The following SLC13A3 variants were observed in gnomAD, a reference collection of about 807,000 sequenced individuals.
SLC13A3 encodes the protein Na(+)/dicarboxylate cotransporter 3.
Under a neutral mutation model 59.0 loss-of-function variants are expected in SLC13A3, and 40 were observed. The observed-to-expected ratio is 0.68, with a 90% CI of 0.53 to 0.88. The LOEUF is 0.88. Ranked by LOEUF, SLC13A3 falls within the 40% of genes least tolerant of loss-of-function variation. The pLI is 0.00. For missense variants in SLC13A3, 699 were observed against 783.2 expected (o/e 0.89, Z 1.28); for synonymous variants, 317 against 330.3 (o/e 0.96, Z 0.44).
rs561818778 is a variant in SLC13A3, at chr20:46,571,523, C to T, written c.1332+4050G>A. 5.8e-4 allele frequency among the ~76,000 whole-genome samples: 89 copies of T among 152,280 alleles called. 2 individuals carry two copies. The South Asian group carries it at 0.018, about 31-fold the overall frequency. Reference sequence around the variant, plus strand: ...TTCCATACATTATGTTAGCAATTCTCAAAGCAGCCCATCTTGTAGGTCATA... The same window carrying T: ...TTCCATACATTATGTTAGCAATTCTTAAAGCAGCCCATCTTGTAGGTCATA... On this transcript the variant is annotated intron_variant, in intron 10 of 12. Coordinates refer to ENST00000279027, the MANE Select transcript of SLC13A3 (RefSeq NM_022829.6).
At chr20:46,666,851 T>C (rs1156692939) in intron 1 of SLC13A3, among the ~76,000 whole-genome samples, 1 of 152,144 alleles carries the variant, frequency 6.6e-6, no homozygotes, top group East Asian at 1.9e-4. Flanking sequence ...TAGAAAGCTC[T>C]CTGTTTAACT....
intron 9 of SLC13A3, among the ~76,000 whole-genome samples, chr20:46,577,075 A>AAGCCAACAGGTGTATGC (rs2062085293): frequency 2.5e-5 from 1 of 39,606 alleles, no homozygotes; most frequent in African/African-American, 8.6e-5. Flanking sequence ...CAGACGTATG[A>AAGCCAACAGGTGTATGC]AGCCCACAGA....
chr20:46,635,249 A>G (rs2062784379), intron 1 of SLC13A3, among the ~76,000 whole-genome samples: 1 of 152,162 alleles, frequency 6.6e-6, no homozygotes, highest in African/African-American at 2.4e-5. Context: ...GATTCCAGGT[A>G]CCACATATAT....
At chr20:46,683,192 G>A (rs189895543) in intron 1 of SLC13A3, among the ~76,000 whole-genome samples, 117 of 152,314 alleles carry the variant, frequency 7.7e-4, no homozygotes, top group African/African-American at 2.7e-3. Context: ...CAGGGCAAAA[G>A]AGTCCTCGGC....
Position 46,583,555 on chromosome 20 carries a change from A to G in SLC13A3, c.1219+17T>C, listed in dbSNP as rs778143777. On this transcript the variant is annotated intron_variant, in intron 9 of 12. Transcript: ENST00000279027. ...TCCTCACTGAGCCCACCGAGACCCC[A>G]GCCTTGACCACCTTACCTTTGAAGT... 3.3e-5 allele frequency: 53 copies of G among 1,613,314 alleles called. No individual in the cohort carries two copies. Among genetic ancestry groups the G allele is most frequent in the Non-Finnish European group, 4.1e-5 (48 of 1,179,824 alleles).
intron 3 of SLC13A3, among the ~76,000 whole-genome samples, chr20:46,607,342 T>A (rs2062445956): frequency 6.6e-6 from 1 of 152,182 alleles, no homozygotes; most frequent in African/African-American, 2.4e-5. Flanking sequence ...AACTTCCTTG[T>A]GCCTCTCCTA....
intron 1 of SLC13A3, among the ~76,000 whole-genome samples, chr20:46,657,164 C>A (rs1404486858): frequency 6.6e-6 from 1 of 152,024 alleles, no homozygotes; most frequent in Admixed American, 6.6e-5. Context: ...AAACTTTTAT[C>A]ATGATCCGGG....
In SLC13A3 at chr20:46,613,597, C is replaced by T. The variant is rs2062524369; in HGVS notation, c.240G>A (p.Lys80=). The change falls in exon 2 of 13, where the codon AAG becomes AAA. Residue 80 remains lysine (K), a synonymous_variant. Coordinates refer to ENST00000279027, the MANE Select transcript of SLC13A3 (RefSeq NM_022829.6). ...FPFMGILPSN[K]VCPQYFLDTN... The stretch of plus-strand genomic sequence containing the variant: ...TGTCGAGGAAGTACTGGGGGCAGAC[C>T]TTGTTGGAGGGCAAGATGCCCATGA... The T allele has an allele frequency of 3.7e-6, 6 of 1,613,226 alleles. No homozygotes were observed. The South Asian group carries it at 6.6e-5, about 18-fold the overall frequency.
chr20:46,582,937 T>A lies in SLC13A3; in HGVS notation c.1219+635A>T, dbSNP rs1047706496. ...CATTTTGGTTAGAGGTACTCAGTGA[T>A]TTTTTAAAAATGGAATCTGAATGCC... On this transcript the variant is annotated intron_variant, in intron 9 of 12. Transcript: ENST00000279027. The A allele has an allele frequency of 3.0e-6, 3 of 985,174 alleles. No individual in the cohort carries two copies. In the African/African-American group the frequency reaches 5.2e-5, roughly 17 times the overall value. The allele number at this position is 985,174 out of a possible 1,614,324, so 61.0% of individuals were successfully genotyped here.
chr20:46,635,836 T>G (rs148996163), intron 1 of SLC13A3, among the ~76,000 whole-genome samples: 1 of 152,280 alleles, frequency 6.6e-6, no homozygotes, highest in Non-Finnish European at 1.5e-5. Flanking sequence ...AAAACCAAGA[T>G]GGCAAGGAAA....
chr20:46,566,519 G>T, intron 10 of SLC13A3, 129 bp from the exon 11 acceptor site: 1 of 1,076,004 alleles, frequency 9.3e-7, no homozygotes, highest in Non-Finnish European at 1.3e-6. Context: ...GGTGCAGAGA[G>T]GGGAGGTGAC....
At chr20:46,573,915 C>CAA (rs1012150252) in intron 10 of SLC13A3, among the ~76,000 whole-genome samples, 2 of 152,204 alleles carry the variant, frequency 1.3e-5, no homozygotes, top group Non-Finnish European at 2.9e-5. Context: ...GAAGTAATTT[C>CAA]AGCTTCCCTT....
chr20:46,559,845 G>C lies in SLC13A3; in HGVS notation c.*177C>G. The C allele has an allele frequency of 1.7e-6, 1 of 601,626 alleles. No individual in the cohort carries two copies. The highest frequency in any genetic ancestry group is 4.5e-4 in the Middle Eastern group (1 of 2,236). The allele number at this position is 601,626 out of a possible 1,614,324, so 37.3% of individuals were successfully genotyped here. A position where few individuals can be genotyped will look rare whatever the true frequency, so the allele number is the denominator to read the frequency against. ...TGGGCTTTGAACTGCATGAAAGAGA[G>C]AGAAAGTATCCTAGATAATGGCTCA... On this transcript the variant is annotated 3_prime_UTR_variant, in exon 13 of 13. Coordinates refer to ENST00000279027, the MANE Select transcript of SLC13A3 (RefSeq NM_022829.6).
At chr20:46,673,714 T>C (rs944516620), upstream of SLC13A3, 1 of 152,246 alleles carries the variant, frequency 6.6e-6, no homozygotes, top group African/African-American at 2.4e-5. Context: ...TGAAAGTGTT[T>C]ACCACTAGGT....
chr20:46,572,136 T>C (rs919845178), intron 10 of SLC13A3, among the ~76,000 whole-genome samples: 1 of 152,112 alleles, frequency 6.6e-6, no homozygotes, highest in East Asian at 1.9e-4. Context: ...TAAGCACTAC[T>C]TCCTGCCCTT....
rs117333304 is a variant in SLC13A3, at chr20:46,579,388, G to T, written c.1220-3703C>A. Among the ~76,000 whole-genome samples the T allele has an allele frequency of 1.2e-3, 184 of 152,260 alleles. 4 individuals carry two copies. The East Asian group carries it at 0.031, about 26-fold the overall frequency. ...AATCCTCCCACCTCAGCCTTCCAAA[G>T]TACTGGGACTAGAGGTGTGAGCCAC... On this transcript the variant is annotated intron_variant, in intron 9 of 12. Coordinates refer to ENST00000279027, the MANE Select transcript of SLC13A3 (RefSeq NM_022829.6).
At chr20:46,593,356 T>C (rs1296566566) in intron 5 of SLC13A3, among the ~76,000 whole-genome samples, 1 of 152,180 alleles carries the variant, frequency 6.6e-6, no homozygotes, top group East Asian at 1.9e-4. Flanking sequence ...GGAATATAAG[T>C]GCTAGATTGA....
At chr20:46,564,283 C>T (rs1381605193) in intron 11 of SLC13A3, among the ~76,000 whole-genome samples, 1 of 152,194 alleles carries the variant, frequency 6.6e-6, no homozygotes, top group East Asian at 1.9e-4. Context: ...TATGAGCTGG[C>T]CTCAGCTAGT....
intron 6 of SLC13A3, among the ~76,000 whole-genome samples, chr20:46,590,171 T>A (rs188280097): frequency 1.4e-3 from 212 of 152,312 alleles, no homozygotes; most frequent in African/African-American, 4.9e-3. Context: ...AACTTCACAC[T>A]GTACCATAAG....
Sources: gnomAD v4.1 joint callset for allele counts (sites outside exome capture counted in the v4.1 genomes callset) on GRCh38, gnomAD v4.1.1 for gene constraint, MANE v1.5 for transcripts, NCBI Gene and HGNC (gene_info 2026-07-23, HGNC 2026-07-21) for gene names.